The following SGCD variants were observed in gnomAD, a reference collection of about 807,000 sequenced individuals.
SGCD encodes sarcoglycan delta.
A neutral mutation model predicts 36.6 loss-of-function variants in SGCD; 18 were observed. The ratio of observed to expected loss-of-function variants is 0.49; its 90% CI spans 0.34 to 0.73. The LOEUF is 0.73. SGCD is among the 30% of genes least tolerant of loss of function. The pLI, the probability that SGCD is intolerant of heterozygous loss-of-function variation, is 0.01. For synonymous variants in SGCD, 133 were observed against 130.6 expected (o/e 1.02, Z -0.12); for missense variants, 387 against 346.7 (o/e 1.12, Z -0.92).
At chr5:156,245,801 A>G (rs1364505332) in intron 3 of SGCD, among the ~76,000 whole-genome samples, 2 of 152,140 alleles carry the variant, frequency 1.3e-5, no homozygotes, top group Middle Eastern at 3.2e-3. Context: ...ATTTTTTCAA[A>G]TTAAATGAGA....
chr5:155,742,841 A>T, the SGCD span, among the ~76,000 whole-genome samples: 1 of 152,218 alleles, frequency 6.6e-6, no homozygotes, highest in East Asian at 1.9e-4. Flanking sequence ...AACCAGCTAT[A>T]GATTGGGTTT....
At chr5:155,799,727 C>T in the SGCD span, among the ~76,000 whole-genome samples, 3 of 150,424 alleles carry the variant, frequency 2.0e-5, no homozygotes, top group African/African-American at 7.3e-5. Context: ...ACTTTTATTT[C>T]CTTTTTTTTT....
chr5:156,181,125 G>C (rs948033477), intron 3 of SGCD, among the ~76,000 whole-genome samples: 1 of 152,166 alleles, frequency 6.6e-6, no homozygotes, highest in African/African-American at 2.4e-5. Context: ...AGAAACCTTG[G>C]TTCTGAAGCT....
At chr5:156,609,760 C>A (rs1326639436) in intron 6 of SGCD, among the ~76,000 whole-genome samples, 1 of 152,178 alleles carries the variant, frequency 6.6e-6, no homozygotes, top group African/African-American at 2.4e-5. Flanking sequence ...ATACTTTTTT[C>A]TCTAAACTTC....
At chr5:156,444,893 G>C (rs1753696620) in intron 3 of SGCD, among the ~76,000 whole-genome samples, 1 of 152,112 alleles carries the variant, frequency 6.6e-6, no homozygotes, top group South Asian at 2.1e-4. Flanking sequence ...ACACTAAATG[G>C]GATAGATGGG....
In SGCD at chr5:156,737,908, T is replaced by G. The variant is rs140403710; in HGVS notation, c.576-19673T>G. The stretch of plus-strand genomic sequence containing the variant: ...AGTGGCTAACTCAATGACAGGCATC[T>G]CCTCCTAATCCAGAGCTCCTTCTAT... On this transcript the variant is annotated intron_variant, in intron 7 of 8. Transcript: ENST00000337851. Among the ~76,000 whole-genome samples the G allele has an allele frequency of 5.4e-3, 817 of 152,280 alleles. 4 individuals carry two copies. Among genetic ancestry groups the G allele is most frequent in the African/African-American group, 0.018 (755 of 41,580 alleles).
At chr5:156,017,304 G>A (rs988012991) in intron 1 of SGCD, among the ~76,000 whole-genome samples, 1 of 152,000 alleles carries the variant, frequency 6.6e-6, no homozygotes, top group Admixed American at 6.6e-5. Context: ...TGTTTATATA[G>A]TGTTTTCCCC....
At chr5:155,734,059 T>G in the SGCD span, among the ~76,000 whole-genome samples, 1 of 147,578 alleles carries the variant, frequency 6.8e-6, no homozygotes, top group African/African-American at 2.5e-5. Context: ...TTTTATTTTA[T>G]TTTTATTTAT....
At chr5:155,867,385 C>T (rs1389140457), upstream of SGCD, among the ~76,000 whole-genome samples, 4 of 152,188 alleles carry the variant, frequency 2.6e-5, no homozygotes, top group Non-Finnish European at 5.9e-5. Context: ...ATGTGTGAGG[C>T]TCCAAGGGAG....
At chr5:156,636,037 A>T (rs1246675255) in intron 6 of SGCD, among the ~76,000 whole-genome samples, 1 of 150,160 alleles carries the variant, frequency 6.7e-6, no homozygotes, top group African/African-American at 2.5e-5. Context: ...AAGTGTAATA[A>T]AAAAAAAATG....
chr5:156,521,223 A>C (rs1429931550), intron 4 of SGCD, among the ~76,000 whole-genome samples: 2 of 152,146 alleles, frequency 1.3e-5, no homozygotes, highest in Non-Finnish European at 2.9e-5. Flanking sequence ...TAAAGACTTA[A>C]ATGTAAAACC....
chr5:156,705,990 T>A (rs1437404134), intron 7 of SGCD, among the ~76,000 whole-genome samples: 1 of 152,148 alleles, frequency 6.6e-6, no homozygotes, highest in Non-Finnish European at 1.5e-5. Context: ...CATATTCAAT[T>A]TTGTAAGAAA....
At chr5:156,002,870 G>A (rs1758691272) in intron 1 of SGCD, among the ~76,000 whole-genome samples, 1 of 152,216 alleles carries the variant, frequency 6.6e-6, no homozygotes, top group Non-Finnish European at 1.5e-5. Context: ...GCAGCAAGAG[G>A]AAAAGCTGCA....
At chr5:156,542,455 T>A (rs938718152) in intron 4 of SGCD, among the ~76,000 whole-genome samples, 2 of 152,212 alleles carry the variant, frequency 1.3e-5, no homozygotes, top group Non-Finnish European at 2.9e-5. Flanking sequence ...TCAGAATGAT[T>A]TATCTACATT....
At chr5:156,422,992 A>G (rs1438904487) in intron 3 of SGCD, among the ~76,000 whole-genome samples, 3 of 151,152 alleles carry the variant, frequency 2.0e-5, no homozygotes. Context: ...TGAATGCCAG[A>G]GGCCTGCAGT....
At chr5:156,117,854 G>A (rs1761941560) in intron 1 of SGCD, 1 of 152,142 alleles carries the variant, frequency 6.6e-6, no homozygotes, top group Non-Finnish European at 1.5e-5. Flanking sequence ...TTTTTGCTGA[G>A]CATCCTTTTT....
chr5:156,178,810 C>G (rs934951385), intron 3 of SGCD, among the ~76,000 whole-genome samples: 56 of 152,146 alleles, frequency 3.7e-4, no homozygotes, highest in African/African-American at 1.3e-3. Flanking sequence ...AGGTGATCCA[C>G]CTGCCTCAGC....
intron 7 of SGCD, among the ~76,000 whole-genome samples, chr5:156,710,031 G>C (rs1002158727): frequency 3.9e-5 from 6 of 152,102 alleles, no homozygotes; most frequent in Non-Finnish European, 8.8e-5. Flanking sequence ...CATTGCAGCT[G>C]TGGGATCTTG....
upstream of SGCD, among the ~76,000 whole-genome samples, chr5:156,325,639 G>C (rs1297926576): frequency 6.6e-6 from 1 of 152,132 alleles, no homozygotes; most frequent in African/African-American, 2.4e-5. Flanking sequence ...GAAAAAGAGA[G>C]CACCAATCCC....
Sources: allele counts gnomAD v4.1 joint callset (sites outside exome capture counted in the v4.1 genomes callset), GRCh38; gene constraint gnomAD v4.1.1; transcripts MANE v1.5; gene names NCBI Gene and HGNC (gene_info 2026-07-23, HGNC 2026-07-21).